Variants in SCFD2 observed in about 807,000 individuals in gnomAD.
The protein encoded by SCFD2 is sec1 family domain-containing protein 2.
SCFD2 carries 54 observed loss-of-function variants against 58.9 expected under a neutral mutation model. The ratio of observed to expected loss-of-function variants is 0.92; its 90% confidence interval spans 0.74 to 1.15. The LOEUF (loss-of-function observed/expected upper bound fraction) is 1.15. Ranked by LOEUF, SCFD2 falls within the 50% of genes most tolerant of loss-of-function variation. The pLI, the probability that SCFD2 is intolerant of heterozygous loss-of-function variation, is 0.00. For missense variants in SCFD2, 805 were observed against 836.6 expected (o/e 0.96, Z 0.47); for synonymous variants, 321 against 335.9 (o/e 0.96, Z 0.49).
chr4:52,898,447 A>G (rs1222087953), intron 7 of SCFD2, among the ~76,000 whole-genome samples: 1 of 152,170 alleles, frequency 6.6e-6, no homozygotes, highest in Non-Finnish European at 1.5e-5. Context: ...TTCAGTTTCC[A>G]TGTAGCTGAG....
At chr4:53,358,469 T>C (rs1261941469) in intron 1 of SCFD2, among the ~76,000 whole-genome samples, 2 of 151,676 alleles carry the variant, frequency 1.3e-5, no homozygotes, top group East Asian at 3.9e-4. Flanking sequence ...ACAAGAATCA[T>C]TTGAACCTGG....
intron 5 of SCFD2, among the ~76,000 whole-genome samples, chr4:53,084,956 C>T (rs558191047): frequency 1.3e-5 from 2 of 152,302 alleles, no homozygotes; most frequent in East Asian, 1.9e-4. Context: ...AACTGAAAGC[C>T]TTTCCTCTAA....
At chr4:53,304,471 C>A (rs573834203) in intron 3 of SCFD2, among the ~76,000 whole-genome samples, 25 of 152,146 alleles carry the variant, frequency 1.6e-4, no homozygotes, top group African/African-American at 5.8e-4. Context: ...CACCAATCAA[C>A]TGTAGGTTTG....
chr4:53,105,325 C>T (rs1322718460), intron 5 of SCFD2, among the ~76,000 whole-genome samples: 1 of 151,756 alleles, frequency 6.6e-6, no homozygotes, highest in East Asian at 1.9e-4. Context: ...CCTGGAATAC[C>T]ACCGAGACAG....
intron 1 of SCFD2, among the ~76,000 whole-genome samples, chr4:53,359,563 A>G (rs1294830155): frequency 6.6e-6 from 1 of 152,186 alleles, no homozygotes; most frequent in Non-Finnish European, 1.5e-5. Flanking sequence ...CTGTCTTTAC[A>G]AAAAATAAAA....
intron 4 of SCFD2, among the ~76,000 whole-genome samples, chr4:53,208,135 C>CT (rs1178067620): frequency 3.3e-5 from 5 of 150,212 alleles, no homozygotes; most frequent in South Asian, 2.1e-4. Context: ...TTTTTCTTTT[C>CT]TTTTTTTTTC....
chr4:53,169,167 G>C (rs1489603158), intron 4 of SCFD2, among the ~76,000 whole-genome samples: 1 of 152,106 alleles, frequency 6.6e-6, no homozygotes, highest in Non-Finnish European at 1.5e-5. Flanking sequence ...CCTGAGGTCA[G>C]GGGTTCAAGA....
At chr4:53,083,596 T>C (rs28882784) in intron 5 of SCFD2, among the ~76,000 whole-genome samples, 21,561 of 152,128 alleles carry the variant, frequency 0.14, 2,133 homozygotes, top group African/African-American at 0.28. Flanking sequence ...AAAAGATCAT[T>C]CATCATTATT....
chr4:53,299,248 A>C (rs1309494577), intron 3 of SCFD2, among the ~76,000 whole-genome samples: 1 of 152,226 alleles, frequency 6.6e-6, no homozygotes, highest in Admixed American at 6.5e-5. Context: ...AGAAGTCCTT[A>C]AAGGACCTGA....
At chr4:52,890,701 T>C (rs1283302944) in intron 7 of SCFD2, among the ~76,000 whole-genome samples, 1 of 152,222 alleles carries the variant, frequency 6.6e-6, no homozygotes, top group Non-Finnish European at 1.5e-5. Flanking sequence ...CTGGCTGTGA[T>C]TTTAAGACAT....
At position 53,212,575 on chromosome 4, in the gene SCFD2, CGTGTGTGTGT is replaced by C. The variant is rs72335886; in HGVS notation, c.1311+61241_1311+61250del. 1.8e-3 allele frequency among the ~76,000 whole-genome samples: 259 copies of C among 142,260 alleles called. 4 individuals carry two copies. The highest frequency in any genetic ancestry group is 2.8e-3 in the Admixed American group (41 of 14,558). The allele number at this position is 142,260 out of a possible 152,430, so 93.3% of individuals were successfully genotyped here. A position where few individuals can be genotyped will look rare whatever the true frequency, so the allele number is the denominator to read the frequency against. On this transcript the variant is annotated intron_variant, in intron 4 of 8. Transcript: ENST00000401642. ...AAGAGAGAGAGGAAGAAAGTGAGCA[CGTGTGTGTGT>C]GTGTGTGTGTGTGTGTGTGTGTGCA...
At position 53,047,228 on chromosome 4, in the gene SCFD2, G is replaced by T. The variant is rs115377245; in HGVS notation, c.1561+98105C>A. The stretch of plus-strand genomic sequence containing the variant: ...TTTGAGAGGCTGAGGCAGGAGGACT[G>T]CTTGAAGCCAGGAGTTCAAAACCAG... On this transcript the variant is annotated intron_variant, in intron 5 of 8. Coordinates refer to ENST00000401642, the MANE Select transcript of SCFD2 (RefSeq NM_152540.4). 2.3e-3 allele frequency among the ~76,000 whole-genome samples: 351 copies of T among 152,154 alleles called. 1 individual carries two copies. The highest frequency in any genetic ancestry group is 8.1e-3 in the African/African-American group (338 of 41,512).
At chr4:53,272,281 A>T (rs1731194242) in intron 4 of SCFD2, among the ~76,000 whole-genome samples, 1 of 151,962 alleles carries the variant, frequency 6.6e-6, no homozygotes. Flanking sequence ...ACCATTGTGG[A>T]AGTTGGTGTG....
At position 53,313,634 on chromosome 4, in the gene SCFD2, A is replaced by AC. The variant is rs766857456; in HGVS notation, c.1135+1dup. ...CTGCCTGTGTCCTAGGTTTAGGCTT[A>AC]CCCATACTCATCTTGATTGGCAGGT... is the stretch of plus-strand genomic sequence containing the variant. On this transcript the variant is annotated splice_donor_variant, in intron 3 of 8. Transcript: ENST00000401642. LOFTEE classifies it high-confidence loss of function. 1.6e-5 allele frequency: 26 copies of AC among 1,613,896 alleles called. No individual in the cohort carries two copies. The highest frequency in any genetic ancestry group is 2.1e-5 in the Non-Finnish European group (25 of 1,179,840).
chr4:53,216,877 T>G (rs1332791040), intron 4 of SCFD2, among the ~76,000 whole-genome samples: 2 of 152,234 alleles, frequency 1.3e-5, no homozygotes, highest in Non-Finnish European at 2.9e-5. Flanking sequence ...AAAAACATCT[T>G]TATTTCTGCC....
intron 2 of SCFD2, among the ~76,000 whole-genome samples, chr4:53,317,646 G>A (rs547400048): frequency 6.6e-6 from 1 of 152,332 alleles, no homozygotes; most frequent in African/African-American, 2.4e-5. Context: ...ATACAGAGAG[G>A]ACTATATGCA....
intron 4 of SCFD2, among the ~76,000 whole-genome samples, chr4:53,254,092 G>A (rs1730506107): frequency 6.6e-6 from 1 of 152,118 alleles, no homozygotes; most frequent in Admixed American, 6.5e-5. Flanking sequence ...GGGCCTACCT[G>A]AGGGTGGAGG....
At chr4:53,253,555 A>G (rs1730479709) in intron 4 of SCFD2, among the ~76,000 whole-genome samples, 1 of 152,146 alleles carries the variant, frequency 6.6e-6, no homozygotes, top group Admixed American at 6.5e-5. Flanking sequence ...AATACTATGT[A>G]GCCATAAAAA....
At chr4:52,980,090 T>C (rs777022305) in intron 5 of SCFD2, among the ~76,000 whole-genome samples, 1 of 152,224 alleles carries the variant, frequency 6.6e-6, no homozygotes, top group East Asian at 1.9e-4. Flanking sequence ...CCACCTGCCT[T>C]CCTTCATTTG....
Sources: gnomAD v4.1 joint callset for allele counts (sites outside exome capture counted in the v4.1 genomes callset) on GRCh38, gnomAD v4.1.1 for gene constraint, MANE v1.5 for transcripts, NCBI Gene and HGNC (gene_info 2026-07-23, HGNC 2026-07-21) for gene names.